EPCIP: variants seen among roughly 807,000 people sequenced by gnomAD.
EPCIP encodes exosomal polycystin 1 interacting protein.
At chr21:32,794,654 T>C in the EPCIP span, among the ~76,000 whole-genome samples, 1 of 152,226 alleles carries the variant, frequency 6.6e-6, no homozygotes, top group Non-Finnish European at 1.5e-5. Flanking sequence ...CAAGCTCTTT[T>C]CTCAGCACCT....
the EPCIP span, chr21:32,794,330 G>A: frequency 6.8e-6 from 11 of 1,614,072 alleles, no homozygotes; most frequent in East Asian, 6.7e-5. Flanking sequence ...GAAGATGAGC[G>A]TGCTGTTCTT....
the EPCIP span, among the ~76,000 whole-genome samples, chr21:32,800,534 T>C: frequency 1.3e-5 from 2 of 152,214 alleles, no homozygotes; most frequent in South Asian, 2.1e-4. Flanking sequence ...AGTAAGCACA[T>C]AGGCCGGGTG....
At chr21:32,808,637 T>C in the EPCIP span, among the ~76,000 whole-genome samples, 223 of 152,328 alleles carry the variant, frequency 1.5e-3, 1 homozygote, top group South Asian at 8.9e-3. Flanking sequence ...CTAAAGGTAA[T>C]GTGGGATCCT....
the EPCIP span, among the ~76,000 whole-genome samples, chr21:32,792,917 T>TATTA: frequency 3.4e-4 from 50 of 149,048 alleles, no homozygotes; most frequent in African/African-American, 4.4e-4. Context: ...TTATTATTAT[T>TATTA]TTTTTTTTTT....
At chr21:32,810,815 C>T in the EPCIP span, among the ~76,000 whole-genome samples, 1 of 152,090 alleles carries the variant, frequency 6.6e-6, no homozygotes, top group African/African-American at 2.4e-5. Context: ...GCTCCTGATT[C>T]CCAAGAAAGT....
the EPCIP span, among the ~76,000 whole-genome samples, chr21:32,792,990 T>C: frequency 1.3e-5 from 2 of 151,934 alleles, no homozygotes; most frequent in African/African-American, 4.8e-5. Context: ...TCTGACTCTG[T>C]CACCCAGGCT....
the EPCIP span, among the ~76,000 whole-genome samples, chr21:32,792,914 TA>T: frequency 1.5e-3 from 103 of 66,618 alleles, no homozygotes; most frequent in African/African-American, 4.2e-3. Flanking sequence ...TTATTATTAT[TA>T]TTTTTTTTTT....
the EPCIP span, among the ~76,000 whole-genome samples, chr21:32,792,580 G>T: frequency 2.0e-5 from 3 of 152,172 alleles, no homozygotes; most frequent in African/African-American, 4.8e-5. Flanking sequence ...TGGTGAAATG[G>T]TATAGCAGGG....
chr21:32,800,495 A>G, the EPCIP span, among the ~76,000 whole-genome samples: 7 of 152,224 alleles, frequency 4.6e-5, no homozygotes, highest in African/African-American at 1.7e-4. Context: ...ATATTTAATA[A>G]TCATGCACAA....
At chr21:32,810,425 T>TTTA in the EPCIP span, 15 of 244,294 alleles carry the variant, frequency 6.1e-5, no homozygotes, top group Middle Eastern at 1.7e-3. Context: ...CCGGTAATTT[T>TTTA]TTTTTTTTTT....
chr21:32,793,423 C>G, the EPCIP span: 1 of 415,016 alleles, frequency 2.4e-6, no homozygotes. Context: ...TAAGCAGTCT[C>G]TAGGGTGTAT....
chr21:32,793,675 A>G, the EPCIP span: 1 of 1,195,128 alleles, frequency 8.4e-7, no homozygotes, highest in African/African-American at 1.5e-5. Context: ...GGGTAGGGAT[A>G]CCTATCTCAC....
the EPCIP span, among the ~76,000 whole-genome samples, chr21:32,800,140 T>C: frequency 6.6e-6 from 1 of 152,246 alleles, no homozygotes. Context: ...CAAATCTGTT[T>C]TGGGCAAATG....
the EPCIP span, chr21:32,794,556 GA>G: frequency 1.2e-6 from 1 of 813,870 alleles, no homozygotes; most frequent in East Asian, 2.7e-5. Context: ...AGGAACCCCA[GA>G]AAAAAACAAG....
chr21:32,804,062 A>T, the EPCIP span, among the ~76,000 whole-genome samples: 2 of 152,144 alleles, frequency 1.3e-5, no homozygotes, highest in Non-Finnish European at 2.9e-5. Context: ...TCATGTCTCC[A>T]TAAGTTGGAA....
the EPCIP span, among the ~76,000 whole-genome samples, chr21:32,804,654 C>G: frequency 6.6e-6 from 1 of 151,984 alleles, no homozygotes; most frequent in East Asian, 1.9e-4. Context: ...TTACTTGTAT[C>G]AAACATTTGA....
the EPCIP span, among the ~76,000 whole-genome samples, chr21:32,811,329 G>A: frequency 7.9e-5 from 12 of 152,144 alleles, no homozygotes; most frequent in Non-Finnish European, 1.5e-4. Flanking sequence ...ACTGGGTTTC[G>A]CCATTTTGGC....
At chr21:32,794,405 C>T in the EPCIP span, 1 of 1,612,450 alleles carries the variant, frequency 6.2e-7, no homozygotes, top group African/African-American at 1.3e-5. Context: ...AAGACAGTGC[C>T]TGGAAGGTGG....
chr21:32,801,064 A>G, the EPCIP span, among the ~76,000 whole-genome samples: 2 of 152,126 alleles, frequency 1.3e-5, no homozygotes, highest in African/African-American at 2.4e-5. Context: ...GTTCTGGCCA[A>G]TGGAATATGG....
Sources: allele counts gnomAD v4.1 joint callset (sites outside exome capture counted in the v4.1 genomes callset), GRCh38; gene constraint gnomAD v4.1.1; transcripts MANE v1.5; gene names NCBI Gene and HGNC (gene_info 2026-07-23, HGNC 2026-07-21).